LUM: variants seen among roughly 807,000 people sequenced by gnomAD.
LUM encodes lumican, also known as KSPG lumican.
LUM carries 13 observed loss-of-function variants against 20.5 expected under a neutral mutation model. The observed-to-expected ratio is 0.63, with a 90% CI of 0.41 to 1.01. The LOEUF (loss-of-function observed/expected upper bound fraction) is 1.01, where lower values mean the gene tolerates loss of function less well. Ranked by LOEUF, LUM falls within the 50% of genes least tolerant of loss-of-function variation. The pLI is 0.00. For missense variants in LUM, 321 were observed against 391.1 expected, an observed-to-expected ratio of 0.82 and a Z score of 1.51; for synonymous variants, 173 against 151.5, an observed-to-expected ratio of 1.14 and a Z score of -1.04.
rs1471812430 is a variant in LUM at position 91,103,185 on chromosome 12, A to G, written c.*980T>C. On this transcript the variant is annotated 3_prime_UTR_variant, in exon 3 of 3. Transcript: ENST00000266718. ...TTAAATATCTATTTCAGAAAATTTT[A>G]TATTCATTCATTTTTAATCCTGTGA... 3 of 152,098 alleles carry G rather than the reference A, an allele frequency of 2.0e-5. No homozygotes were observed. The highest frequency in any genetic ancestry group is 3.8e-4 in the East Asian group (2 of 5,200). The allele number at this position is 152,098 out of a possible 1,614,324, so 9.4% of individuals were successfully genotyped here.
intron 2 of LUM, among the ~76,000 whole-genome samples, chr12:91,107,772 G>A (rs548208664): frequency 6.6e-6 from 1 of 152,002 alleles, no homozygotes; most frequent in South Asian, 2.1e-4. Flanking sequence ...CTTGAGTACA[G>A]TGGCACGATC....
Position 91,103,518 on chromosome 12 carries a change from A to G in LUM, c.*647T>C, listed in dbSNP as rs1040558361. On this transcript the variant is annotated 3_prime_UTR_variant, in exon 3 of 3. Transcript: ENST00000266718. Reference sequence around the variant, plus strand: ...TTTATGTATTTTATATACAAAGTACAGAAATTTCACAAGAAGTCAAACACA... The same window carrying G: ...TTTATGTATTTTATATACAAAGTACGGAAATTTCACAAGAAGTCAAACACA... The G allele has an allele frequency of 9.9e-5, 15 of 152,238 alleles. No homozygotes were observed. Among genetic ancestry groups the G allele is most frequent in the African/African-American group, 3.6e-4 (15 of 41,580 alleles). 9.4% of individuals were successfully genotyped at this position (152,238 alleles called of 1,614,324 possible). A position where few individuals can be genotyped will look rare whatever the true frequency, so the allele number is the denominator to read the frequency against.
Position 91,108,500 on chromosome 12 carries a change from G to A in LUM, c.480C>T (p.Asn160=), listed in dbSNP as rs1880129662. 6.2e-7 allele frequency: 1 copy of A among 1,613,670 alleles called. No individual in the cohort carries two copies. The highest frequency in any genetic ancestry group is 1.7e-5 in the Admixed American group (1 of 59,976). ...TGTGCTGGAGATGGATGAAGGTCAG[G>A]TTTACCAATCCTTCAAAAGAGCCCA... is the stretch of plus-strand genomic sequence containing the variant. ...TKLGSFEGLV[N]LTFIHLQHNR... The change falls in exon 2 of 3, where the codon AAC becomes AAT. Residue 160 remains asparagine (N), a synonymous_variant. Transcript: ENST00000266718. The surrounding 1 kb of genome is among the most constrained non-coding windows in gnomAD (Gnocchi z 4.2).
At chr12:91,107,448 G>A (rs1046838600) in intron 2 of LUM, among the ~76,000 whole-genome samples, 26 of 152,034 alleles carry the variant, frequency 1.7e-4, no homozygotes, top group African/African-American at 6.3e-4. Flanking sequence ...TGCCACTTTT[G>A]AACTCATTTC....
chr12:91,109,677 A>G (rs1880160749), intron 1 of LUM, among the ~76,000 whole-genome samples: 1 of 152,214 alleles, frequency 6.6e-6, no homozygotes, highest in Non-Finnish European at 1.5e-5. Flanking sequence ...TATTTACTAA[A>G]CAAAATATTA....
Position 91,104,254 on chromosome 12 carries a change from G to A in LUM, c.928C>T (p.Arg310Cys), listed in dbSNP as rs191692991. 2.3e-4 allele frequency: 371 copies of A among 1,612,650 alleles called. 3 individuals carry two copies. The highest frequency in any genetic ancestry group is 2.1e-5 in the Non-Finnish European group (25 of 1,179,018). ...PLSYSKIKHL[R>C]LDGNRISETS... ...TCTGAGATGCGATTGCCATCCAAACGCAAATGCTTGATCTTGGAGTAGGAT... is the reference window on the plus strand; with the variant it reads ...TCTGAGATGCGATTGCCATCCAAACACAAATGCTTGATCTTGGAGTAGGAT... The change falls in exon 3 of 3, where the codon CGT (arginine) becomes TGT (cysteine). Residue 310 changes from arginine (R) to cysteine (C), a missense_variant. Coordinates refer to ENST00000266718, the MANE Select transcript of LUM (RefSeq NM_002345.4).
intron 1 of LUM, among the ~76,000 whole-genome samples, chr12:91,110,536 A>G (rs565640442): frequency 3.9e-5 from 6 of 152,216 alleles, no homozygotes; most frequent in Admixed American, 6.5e-5. Flanking sequence ...ACGTGATGAC[A>G]TATTCCCAGA....
chr12:91,108,519 G>C lies in LUM; in HGVS notation c.461C>G (p.Ser154Cys). ...GGTCAGGTTTACCAATCCTTCAAAA[G>C]AGCCCAGCTTTGTGATCTTGTTATG... ...LTHNKITKLG[S>C]FEGLVNLTFI... The change falls in exon 2 of 3, where the codon TCT (serine) becomes TGT (cysteine). Residue 154 changes from serine to cysteine, a missense_variant. Coordinates refer to ENST00000266718, the MANE Select transcript of LUM (RefSeq NM_002345.4). The surrounding 1 kb of genome is among the most constrained non-coding windows in gnomAD (Gnocchi z 4.2). The C allele has an allele frequency of 6.2e-7, 1 of 1,612,958 alleles. No individual in the cohort carries two copies. Among genetic ancestry groups the C allele is most frequent in the Non-Finnish European group, 8.5e-7 (1 of 1,179,100 alleles).
At position 91,106,966 on chromosome 12, in the gene LUM, T is replaced by C. The variant is rs1311174768; in HGVS notation, c.862+1152A>G. On this transcript the variant is annotated intron_variant, in intron 2 of 2. Coordinates refer to ENST00000266718, the MANE Select transcript of LUM (RefSeq NM_002345.4). ...GCAGATGGATCAGTTGAGGTCAGGA[T>C]TTTAAGAACAGCCTGGTTAACATGG... 2.0e-5 allele frequency among the ~76,000 whole-genome samples: 3 copies of C among 151,232 alleles called. No homozygotes were observed. The East Asian group carries it at 5.9e-4, about 30-fold the overall frequency.
rs951658913 is a variant in LUM at position 91,103,574 on chromosome 12, A to G, written c.*591T>C. ...GCCATTTGCTATGTTTTATTTTGCT[A>G]GTAGCTTATTAAACATAACATGCAA... On this transcript the variant is annotated 3_prime_UTR_variant, in exon 3 of 3. Transcript: ENST00000266718. The G allele has an allele frequency of 1.3e-5, 2 of 152,152 alleles. No individual in the cohort carries two copies. Among genetic ancestry groups the G allele is most frequent in the South Asian group, 2.1e-4 (1 of 4,830 alleles). 9.4% of individuals were successfully genotyped at this position (152,152 alleles called of 1,614,324 possible). A position where few individuals can be genotyped will look rare whatever the true frequency, so the allele number is the denominator to read the frequency against.
intron 1 of LUM, among the ~76,000 whole-genome samples, chr12:91,110,500 A>G (rs1280119281): frequency 6.6e-6 from 1 of 152,196 alleles, no homozygotes; most frequent in Non-Finnish European, 1.5e-5. Context: ...CTTGGCCATA[A>G]TAATAATTGC....
Position 91,103,957 on chromosome 12 carries a change from G to A in LUM, c.*208C>T, listed in dbSNP as rs1189792715. 2 of 418,310 alleles carry A rather than the reference G, an allele frequency of 4.8e-6. No homozygotes were observed. The highest frequency in any genetic ancestry group is 8.5e-6 in the Non-Finnish European group (2 of 236,140). 25.9% of individuals were successfully genotyped at this position (418,310 alleles called of 1,614,324 possible). The stretch of plus-strand genomic sequence containing the variant: ...ACTAAATTTACAAATAAAGCATTGA[G>A]TTTGATGTCTATTCGTGTATATGTG... On this transcript the variant is annotated 3_prime_UTR_variant, in exon 3 of 3. Transcript: ENST00000266718.
chr12:91,103,881 T>A lies in LUM; in HGVS notation c.*284A>T, dbSNP rs1194592092. On this transcript the variant is annotated 3_prime_UTR_variant, in exon 3 of 3. Transcript: ENST00000266718. ...GATTATAAAACTTGGCTGATTTCCA[T>A]GCAACCAGTAAAAGGTTTTGCACAT... is the stretch of plus-strand genomic sequence containing the variant. The A allele has an allele frequency of 4.0e-6, 1 of 250,426 alleles. No homozygotes were observed. The highest frequency in any genetic ancestry group is 7.7e-6 in the Non-Finnish European group (1 of 129,816). 15.5% of individuals were successfully genotyped at this position (250,426 alleles called of 1,614,324 possible). A position where few individuals can be genotyped will look rare whatever the true frequency, so the allele number is the denominator to read the frequency against.
In LUM at chr12:91,103,963, T is replaced by C. The variant is rs569816982; in HGVS notation, c.*202A>G. 144 of 424,694 alleles carry C rather than the reference T, an allele frequency of 3.4e-4. No individual in the cohort carries two copies. In the Middle Eastern group the frequency reaches 4.4e-3, roughly 13 times the overall value. 26.3% of individuals were successfully genotyped at this position (424,694 alleles called of 1,614,324 possible). On this transcript the variant is annotated 3_prime_UTR_variant, in exon 3 of 3. Coordinates refer to ENST00000266718, the MANE Select transcript of LUM (RefSeq NM_002345.4). ...TTTACAAATAAAGCATTGAGTTTGA[T>C]GTCTATTCGTGTATATGTGTGTGTT... is the stretch of plus-strand genomic sequence containing the variant.
At chr12:91,106,557 A>G (rs772893044) in intron 2 of LUM, among the ~76,000 whole-genome samples, 3 of 152,014 alleles carry the variant, frequency 2.0e-5, no homozygotes, top group Non-Finnish European at 2.9e-5. Flanking sequence ...AAGCAGTCCA[A>G]ATGCATCAGA....
At position 91,104,330 on chromosome 12, in the gene LUM, A is replaced by T. The variant is rs747157419; in HGVS notation, c.863-11T>A. On this transcript the variant is annotated splice_polypyrimidine_tract_variant and intron_variant, in intron 2 of 2. Coordinates refer to ENST00000266718, the MANE Select transcript of LUM (RefSeq NM_002345.4). Reference sequence around the variant, plus strand: ...TCTTTATGTCAAACTCTAAAAATTAAAGAATAGAAAACATTAATCATTTTT... The same window carrying T: ...TCTTTATGTCAAACTCTAAAAATTATAGAATAGAAAACATTAATCATTTTT... 14 of 1,599,050 alleles carry T rather than the reference A, an allele frequency of 8.8e-6. No individual in the cohort carries two copies. In the Admixed American group the frequency reaches 2.2e-4, roughly 25 times the overall value.
intron 2 of LUM, among the ~76,000 whole-genome samples, chr12:91,107,192 G>C (rs200743508): frequency 0.011 from 363 of 32,468 alleles, 12 homozygotes; most frequent in Admixed American, 0.09. Flanking sequence ...AAAGAAAGAA[G>C]GAAAGAAAAA....
At position 91,107,870 on chromosome 12, in the gene LUM, C is replaced by G. The variant is rs9669189; in HGVS notation, c.862+248G>C. Among the ~76,000 whole-genome samples, 142 of 152,122 alleles carry G rather than the reference C, an allele frequency of 9.3e-4. 1 individual carries two copies. Among genetic ancestry groups the G allele is most frequent in the African/African-American group, 3.4e-3 (141 of 41,488 alleles). On this transcript the variant is annotated intron_variant, in intron 2 of 2. Coordinates refer to ENST00000266718, the MANE Select transcript of LUM (RefSeq NM_002345.4). The stretch of plus-strand genomic sequence containing the variant: ...AGCTGGGATTACAGAAGTGCGACAC[C>G]ACGCCTGGCTAATTTTTGTATTTTT...
In LUM at chr12:91,104,176, T is replaced by C; in HGVS notation, c.1006A>G (p.Thr336Ala). The C allele has an allele frequency of 6.2e-7, 1 of 1,611,140 alleles. No individual in the cohort carries two copies. Among genetic ancestry groups the C allele is most frequent in the East Asian group, 2.2e-5 (1 of 44,702 alleles). The change falls in exon 3 of 3, where the codon ACT (threonine) becomes GCT (alanine). Residue 336 changes from threonine (T) to alanine (A), a missense_variant. By Grantham distance (58) the Thr-to-Ala change is moderately conservative (BLOSUM62 0). Coordinates refer to ENST00000266718, the MANE Select transcript of LUM (RefSeq NM_002345.4). ...CCAGGATACAGATATTAATTAAGAG[T>C]GACTTCGTTAGCAACACGTAGACAT... ...YECLRVANEV[T>A]LN
Sources: gnomAD v4.1 joint callset for allele counts (sites outside exome capture counted in the v4.1 genomes callset) on GRCh38, gnomAD v4.1.1 for gene constraint, Gnocchi (gnomAD v3.1) non-coding constraint, MANE v1.5 for transcripts, NCBI Gene and HGNC (gene_info 2026-07-23, HGNC 2026-07-21) for gene names.